Variants in CDH10 observed in about 807,000 individuals in gnomAD.
CDH10 encodes cadherin-10.
Under a neutral mutation model 73.1 loss-of-function variants are expected in CDH10, and 30 were observed. The observed-to-expected ratio is 0.41, with a 90% confidence interval of 0.31 to 0.56. CDH10 has a LOEUF of 0.56. Among genes scored for constraint, CDH10 ranks in the 20% least tolerant of loss-of-function variants. CDH10 has a pLI of 0.27. For synonymous variants in CDH10, 345 were observed against 348.2 expected (o/e 0.99, Z 0.10); for missense variants, 815 against 973.7 (o/e 0.84, Z 2.17).
chr5:24,515,885 T>C (rs1743091530), intron 5 of CDH10, among the ~76,000 whole-genome samples: 1 of 126,354 alleles, frequency 7.9e-6, no homozygotes, highest in African/African-American at 2.9e-5. Flanking sequence ...TGAGATCTGA[T>C]GGTTTTATAC....
intron 2 of CDH10, among the ~76,000 whole-genome samples, chr5:24,554,515 T>TGCGCGC (rs1311470344): frequency 1.2e-4 from 17 of 145,360 alleles, no homozygotes; most frequent in African/African-American, 4.3e-4. Flanking sequence ...TGTGTGTGTG[T>TGCGCGC]GTGTGCACGT....
intron 2 of CDH10, among the ~76,000 whole-genome samples, chr5:24,542,993 C>G (rs188728355): frequency 1.3e-3 from 205 of 152,172 alleles, no homozygotes; most frequent in Non-Finnish European, 2.4e-3. Flanking sequence ...ATCTTTAACT[C>G]TTAATATCGA....
intron 2 of CDH10, among the ~76,000 whole-genome samples, chr5:24,556,910 A>G (rs951082823): frequency 1.3e-5 from 2 of 151,820 alleles, no homozygotes; most frequent in African/African-American, 4.8e-5. Flanking sequence ...GTATTTCTAT[A>G]TATATTCCCA....
chr5:24,598,287 C>T (rs1214176061), intron 1 of CDH10, among the ~76,000 whole-genome samples: 1 of 151,852 alleles, frequency 6.6e-6, no homozygotes, highest in Non-Finnish European at 1.5e-5. Flanking sequence ...GTTCATTACA[C>T]ATTACCTACT....
chr5:24,608,197 G>T (rs540392543), intron 1 of CDH10, among the ~76,000 whole-genome samples: 1 of 152,220 alleles, frequency 6.6e-6, no homozygotes, highest in Non-Finnish European at 1.5e-5. Flanking sequence ...AACAGTTTCT[G>T]TTGGCAAATC....
At chr5:24,592,032 A>G (rs1561184580) in intron 2 of CDH10, among the ~76,000 whole-genome samples, 1 of 151,854 alleles carries the variant, frequency 6.6e-6, no homozygotes, top group East Asian at 1.9e-4. Flanking sequence ...AATAAGATCT[A>G]TGAAAAGCCT....
intron 2 of CDH10, among the ~76,000 whole-genome samples, chr5:24,588,178 A>C (rs1746085897): frequency 6.6e-6 from 1 of 152,200 alleles, no homozygotes; most frequent in Admixed American, 6.5e-5. Context: ...AGTCTCTGTC[A>C]ATGTCTATCA....
chr5:24,641,067 T>A (rs1464961467), intron 1 of CDH10, among the ~76,000 whole-genome samples: 1 of 151,990 alleles, frequency 6.6e-6, no homozygotes, highest in African/African-American at 2.4e-5. Flanking sequence ...TCTTATTTTT[T>A]GACAATATGT....
At chr5:24,625,090 GA>G (rs1343282597) in intron 1 of CDH10, among the ~76,000 whole-genome samples, 1 of 152,082 alleles carries the variant, frequency 6.6e-6, no homozygotes, top group Admixed American at 6.6e-5. Flanking sequence ...AAAATAATGG[GA>G]AGTGCCATAC....
At chr5:24,629,662 G>A (rs1354401450) in intron 1 of CDH10, among the ~76,000 whole-genome samples, 1 of 152,084 alleles carries the variant, frequency 6.6e-6, no homozygotes, top group Non-Finnish European at 1.5e-5. Flanking sequence ...GATAGTGCAT[G>A]AGTCTCAAGA....
At chr5:24,602,439 C>T (rs1746597958) in intron 1 of CDH10, among the ~76,000 whole-genome samples, 3 of 152,118 alleles carry the variant, frequency 2.0e-5, no homozygotes, top group African/African-American at 7.2e-5. Flanking sequence ...GAGTGCTGCT[C>T]AGCATTTCCT....
At chr5:24,519,715 TG>T (rs1186322740) in intron 5 of CDH10, among the ~76,000 whole-genome samples, 6 of 152,174 alleles carry the variant, frequency 3.9e-5, no homozygotes, top group African/African-American at 1.4e-4. Flanking sequence ...TAAAAGTATG[TG>T]GTAGAATAAA....
At chr5:24,625,566 TATATATAC>T (rs36206884) in intron 1 of CDH10, among the ~76,000 whole-genome samples, 80,841 of 140,686 alleles carry the variant, frequency 0.57, 28,634 homozygotes, top group East Asian at 0.76. Context: ...TATATATTCA[TATATATAC>T]ATATATTCAT....
chr5:24,580,590 C>T (rs1745763541), intron 2 of CDH10, among the ~76,000 whole-genome samples: 1 of 152,128 alleles, frequency 6.6e-6, no homozygotes, highest in African/African-American at 2.4e-5. Flanking sequence ...ATAATATCAA[C>T]CTTCTGCTAA....
intron 5 of CDH10, among the ~76,000 whole-genome samples, chr5:24,524,560 T>G (rs944543298): frequency 4.6e-5 from 7 of 152,138 alleles, no homozygotes; most frequent in Non-Finnish European, 7.4e-5. Flanking sequence ...TTCTAATTTA[T>G]AGTTGTTTTA....
chr5:24,489,058 C>T (rs144542832), intron 11 of CDH10, among the ~76,000 whole-genome samples: 4 of 152,072 alleles, frequency 2.6e-5, no homozygotes, highest in African/African-American at 9.6e-5. Context: ...TCATTATTCC[C>T]AAACATTTTG....
chr5:24,549,481 C>A lies in CDH10; in HGVS notation c.232-11807G>T, dbSNP rs80037869. ...ACCTAGGAGAAAGACACATTAATGT[C>A]AAAGCAGCAAAAGTGGGTAATAGTT... On this transcript the variant is annotated intron_variant, in intron 2 of 11. Transcript: ENST00000264463. 4.7e-5 allele frequency among the ~76,000 whole-genome samples: 7 copies of A among 148,500 alleles called. No individual in the cohort carries two copies. In the East Asian group the frequency reaches 7.9e-4, roughly 17 times the overall value.
At chr5:24,621,132 TG>T (rs1747303090) in intron 1 of CDH10, among the ~76,000 whole-genome samples, 1 of 152,166 alleles carries the variant, frequency 6.6e-6, no homozygotes, top group Non-Finnish European at 1.5e-5. Context: ...TGCCAGGTCA[TG>T]AGAGCCCTTA....
At chr5:24,609,323 G>A (rs961051021) in intron 1 of CDH10, among the ~76,000 whole-genome samples, 1 of 152,122 alleles carries the variant, frequency 6.6e-6, no homozygotes, top group African/African-American at 2.4e-5. Flanking sequence ...ACGATAGTTG[G>A]GGGGAGGTTA....
Sources: gnomAD v4.1 joint callset for allele counts (sites outside exome capture counted in the v4.1 genomes callset) on GRCh38, gnomAD v4.1.1 for gene constraint, MANE v1.5 for transcripts, NCBI Gene and HGNC (gene_info 2026-07-23, HGNC 2026-07-21) for gene names.